PGM5: variants seen among roughly 807,000 people sequenced by gnomAD.
The protein encoded by PGM5 is phosphoglucomutase-like protein 5.
A neutral mutation model predicts 59.2 loss-of-function variants in PGM5; 23 were observed. The ratio of observed to expected loss-of-function variants is 0.39; its 90% CI spans 0.28 to 0.55. PGM5 has a LOEUF of 0.55. PGM5 is among the 20% of genes least tolerant of loss of function. The probability of loss-of-function intolerance (pLI) is 0.66; values close to 1 mark genes in which losing one functional copy is unlikely to be tolerated. For synonymous variants in PGM5, 214 were observed against 286.0 expected (o/e 0.75, Z 2.54); for missense variants, 574 against 748.3 (o/e 0.77, Z 2.72).
intron 6 of PGM5, among the ~76,000 whole-genome samples, chr9:68,463,182 GTT>G (rs113568409): frequency 1.5e-4 from 21 of 140,098 alleles, no homozygotes; most frequent in African/African-American, 5.2e-4. Context: ...GTTTCTAGAT[GTT>G]TTTTTTTTTT....
At chr9:68,436,643 A>G (rs1173129619) in intron 6 of PGM5, among the ~76,000 whole-genome samples, 6 of 152,178 alleles carry the variant, frequency 3.9e-5, no homozygotes. Context: ...CTGTGTCCTC[A>G]CTGCCAAGTG....
At chr9:68,387,362 G>A in intron 3 of PGM5, 101 bp from the exon 4 acceptor site, 2 of 1,027,994 alleles carry the variant, frequency 1.9e-6, no homozygotes, top group Non-Finnish European at 2.9e-6. Context: ...ATGGGCTTGT[G>A]ACCAGAATTT....
intron 6 of PGM5, chr9:68,429,257 T>C (rs1823302732): frequency 1.3e-5 from 2 of 152,208 alleles, no homozygotes; most frequent in South Asian, 4.1e-4. Flanking sequence ...ATATTAATTC[T>C]CTGCTTCGGA....
At chr9:68,509,287 C>T (rs1370418280) in intron 10 of PGM5, among the ~76,000 whole-genome samples, 3 of 152,188 alleles carry the variant, frequency 2.0e-5, no homozygotes, top group Non-Finnish European at 4.4e-5. Flanking sequence ...AGCCAGAATG[C>T]TTAGGCCTTG....
chr9:68,423,472 A>G (rs1199414693), intron 6 of PGM5, among the ~76,000 whole-genome samples: 2 of 152,232 alleles, frequency 1.3e-5, no homozygotes, highest in Non-Finnish European at 2.9e-5. Context: ...TGAAAGAGTA[A>G]ATGGTGGTGA....
chr9:68,484,190 C>A (rs1275973120), intron 9 of PGM5, 142 bp downstream of exon 9: 7 of 709,484 alleles, frequency 9.9e-6, no homozygotes, highest in Non-Finnish European at 7.1e-6. Flanking sequence ...AGAGGAAAGC[C>A]CTTGATGAAG....
At chr9:68,377,857 A>G (rs1188137921) in intron 1 of PGM5, among the ~76,000 whole-genome samples, 3 of 152,164 alleles carry the variant, frequency 2.0e-5, no homozygotes, top group African/African-American at 7.2e-5. Context: ...GTCCACATGC[A>G]TAGTTTCTGA....
At chr9:68,399,476 C>A (rs1253351189) in intron 6 of PGM5, among the ~76,000 whole-genome samples, 2 of 152,134 alleles carry the variant, frequency 1.3e-5, no homozygotes, top group African/African-American at 4.8e-5. Flanking sequence ...TGTTGTCTAA[C>A]TTTCTAATTT....
intron 10 of PGM5, among the ~76,000 whole-genome samples, chr9:68,516,932 C>T (rs1018565102): frequency 1.3e-5 from 2 of 151,994 alleles, no homozygotes; most frequent in South Asian, 2.1e-4. Context: ...AGTGCAATGG[C>T]GCGGTCTCGG....
chr9:68,495,825 C>T (rs989891341), intron 9 of PGM5, among the ~76,000 whole-genome samples: 3 of 152,130 alleles, frequency 2.0e-5, no homozygotes, highest in Admixed American at 6.5e-5. Flanking sequence ...TATTTTCTAT[C>T]TTATGCTGTA....
intron 7 of PGM5, among the ~76,000 whole-genome samples, chr9:68,475,823 G>A (rs1824093665): frequency 6.6e-6 from 1 of 152,124 alleles, no homozygotes; most frequent in Non-Finnish European, 1.5e-5. Context: ...CAACAATTAA[G>A]CCTGGGCAAC....
intron 1 of PGM5, among the ~76,000 whole-genome samples, chr9:68,360,059 A>T (rs1834548754): frequency 6.6e-6 from 1 of 152,068 alleles, no homozygotes; most frequent in South Asian, 2.1e-4. Flanking sequence ...TGCCCAGTCT[A>T]GTCTCAAACT....
chr9:68,399,495 T>C (rs2132023934), intron 6 of PGM5, among the ~76,000 whole-genome samples: 1 of 152,174 alleles, frequency 6.6e-6, no homozygotes, highest in Non-Finnish European at 1.5e-5. Context: ...TTTTATCCAG[T>C]AGACTAGATA....
At chr9:68,451,857 C>G (rs1336592914) in intron 6 of PGM5, among the ~76,000 whole-genome samples, 1 of 152,180 alleles carries the variant, frequency 6.6e-6, no homozygotes, top group African/African-American at 2.4e-5. Flanking sequence ...AAGGGCACCA[C>G]ATACCAAGGG....
intron 6 of PGM5, among the ~76,000 whole-genome samples, chr9:68,401,835 A>G (rs1822673908): frequency 6.6e-6 from 1 of 151,932 alleles, no homozygotes; most frequent in Admixed American, 6.6e-5. Context: ...TTTTGAGCTG[A>G]TAAAAATGTT....
intron 6 of PGM5, among the ~76,000 whole-genome samples, chr9:68,408,911 C>T (rs1260346260): frequency 6.6e-6 from 1 of 151,968 alleles, no homozygotes; most frequent in Non-Finnish European, 1.5e-5. Context: ...TTTCTGAGGG[C>T]TCTGTTCTGT....
At chr9:68,438,218 G>T (rs559967198) in intron 6 of PGM5, among the ~76,000 whole-genome samples, 1 of 149,676 alleles carries the variant, frequency 6.7e-6, no homozygotes, top group African/African-American at 2.5e-5. Context: ...GAACCCAGGA[G>T]GCAGAGGTTG....
intron 8 of PGM5, among the ~76,000 whole-genome samples, chr9:68,481,011 G>A (rs1824189260): frequency 6.6e-6 from 1 of 152,190 alleles, no homozygotes; most frequent in African/African-American, 2.4e-5. Context: ...GAATCCTTGG[G>A]TAGTCTCAGA....
At chr9:68,401,102 T>C in intron 6 of PGM5, among the ~76,000 whole-genome samples, 1 of 2,848 alleles carries the variant, frequency 3.5e-4, no homozygotes, top group South Asian at 0.5. Flanking sequence ...AAAGCATTTA[T>C]GTATTAAACT....
Sources: gnomAD v4.1 joint callset for allele counts (sites outside exome capture counted in the v4.1 genomes callset) on GRCh38, gnomAD v4.1.1 for gene constraint, MANE v1.5 for transcripts, NCBI Gene and HGNC (gene_info 2026-07-23, HGNC 2026-07-21) for gene names.